Variants in SV2C observed in about 807,000 individuals in gnomAD.
SV2C encodes synaptic vesicle glycoprotein 2C.
Under a neutral mutation model 79.7 loss-of-function variants are expected in SV2C, and 49 were observed. The ratio of observed to expected loss-of-function variants is 0.61; its 90% CI spans 0.49 to 0.78. SV2C has a LOEUF of 0.78. Ranked by LOEUF, SV2C falls within the 30% of genes least tolerant of loss-of-function variation. The pLI is 0.00. For synonymous variants in SV2C, 334 were observed against 333.2 expected (o/e 1.00, Z -0.03); for missense variants, 833 against 912.9 (o/e 0.91, Z 1.13).
At chr5:76,280,955 A>G (rs1279817177) in intron 4 of SV2C, 2 of 535,592 alleles carry the variant, frequency 3.7e-6, no homozygotes, top group Non-Finnish European at 7.6e-6. Flanking sequence ...TGCCAGGATG[A>G]CAGGATCCTG....
intron 4 of SV2C, among the ~76,000 whole-genome samples, chr5:76,225,057 C>T (rs1299312875): frequency 2.6e-5 from 4 of 152,160 alleles, no homozygotes; most frequent in African/African-American, 9.7e-5. Context: ...CCATTCAGCA[C>T]CACTGGGCCA....
chr5:76,130,697 G>C (rs1748858388), intron 1 of SV2C, among the ~76,000 whole-genome samples: 1 of 152,116 alleles, frequency 6.6e-6, no homozygotes, highest in Non-Finnish European at 1.5e-5. Flanking sequence ...AGGAACCAAG[G>C]CATGAGGGGA....
intron 2 of SV2C, among the ~76,000 whole-genome samples, chr5:76,142,903 C>CTT (rs372569739): frequency 1.5e-5 from 2 of 134,666 alleles, no homozygotes; most frequent in South Asian, 4.9e-4. Flanking sequence ...TTTTCTTTTC[C>CTT]TTTTTTTTTG....
chr5:76,334,768 C>T (rs1263490027), downstream of SV2C, among the ~76,000 whole-genome samples: 3 of 152,198 alleles, frequency 2.0e-5, no homozygotes, highest in Non-Finnish European at 4.4e-5. Flanking sequence ...TCTGCCAACT[C>T]CTAAACCAAT....
the SV2C span, among the ~76,000 whole-genome samples, chr5:75,871,834 T>TACACACACACACACAC: frequency 3.4e-5 from 4 of 118,856 alleles, no homozygotes; most frequent in African/African-American, 1.3e-4. Flanking sequence ...TATATATATA[T>TACACACACACACACAC]ACACACACAC....
chr5:76,286,770 G>A (rs887391267), intron 6 of SV2C: 1 of 152,148 alleles, frequency 6.6e-6, no homozygotes, highest in Non-Finnish European at 1.5e-5. Flanking sequence ...AAGCAAACAC[G>A]TCCTTCTTCA....
intron 3 of SV2C, among the ~76,000 whole-genome samples, chr5:76,199,772 T>C (rs771642769): frequency 9.2e-5 from 14 of 152,240 alleles, no homozygotes; most frequent in Non-Finnish European, 1.8e-4. Flanking sequence ...TCTTACTTGA[T>C]CTGTATAAGT....
chr5:76,046,672 C>G, the SV2C span, among the ~76,000 whole-genome samples: 529 of 152,184 alleles, frequency 3.5e-3, 8 homozygotes, highest in African/African-American at 0.012. Context: ...AGGAAGAGAG[C>G]AGCCAAGTCA....
intron 4 of SV2C, among the ~76,000 whole-genome samples, chr5:76,273,166 T>C (rs1057482405): frequency 2.5e-5 from 3 of 120,926 alleles, no homozygotes; most frequent in Non-Finnish European, 5.3e-5. Flanking sequence ...TATATATATA[T>C]ATATACACAC....
chr5:76,118,504 A>G (rs146229985), intron 1 of SV2C, among the ~76,000 whole-genome samples: 159 of 152,354 alleles, frequency 1.0e-3, no homozygotes, highest in African/African-American at 3.6e-3. Context: ...AAGAAAAGAC[A>G]TGTTCAACTT....
rs1480899204 is a variant in SV2C at position 76,291,524 on chromosome 5, G to C, written c.1248+193G>C. Among the ~76,000 whole-genome samples the C allele has an allele frequency of 2.0e-5, 3 of 152,192 alleles. No individual in the cohort carries two copies. The East Asian group carries it at 5.8e-4, about 29-fold the overall frequency. On this transcript the variant is annotated intron_variant, in intron 7 of 12. Transcript: ENST00000502798. ...AGCCAATACATTCCATCTGTGGGAA[G>C]GGAAAGTGTTAGGCCAGGAGTCTTG...
the SV2C span, among the ~76,000 whole-genome samples, chr5:75,929,139 A>G: frequency 4.6e-5 from 7 of 151,736 alleles, no homozygotes; most frequent in Admixed American, 1.3e-4. Context: ...GCCCAACTAG[A>G]TCCCACTCAC....
the SV2C span, among the ~76,000 whole-genome samples, chr5:75,849,425 A>G: frequency 1.3e-5 from 2 of 152,248 alleles, no homozygotes; most frequent in Admixed American, 1.3e-4. Context: ...CCTGTGCTAT[A>G]AAGCAATACC....
At chr5:75,937,129 A>C in the SV2C span, among the ~76,000 whole-genome samples, 1 of 152,240 alleles carries the variant, frequency 6.6e-6, no homozygotes, top group African/African-American at 2.4e-5. Flanking sequence ...TTGAGAATTA[A>C]AGTGTTTAAT....
intron 12 of SV2C, among the ~76,000 whole-genome samples, chr5:76,304,572 AAAG>A (rs1425416804): frequency 1.3e-5 from 2 of 152,212 alleles, no homozygotes; most frequent in East Asian, 1.9e-4. Context: ...AGTAATTTAT[AAAG>A]AAGAGAAATT....
chr5:75,894,249 A>G, the SV2C span, among the ~76,000 whole-genome samples: 1 of 152,068 alleles, frequency 6.6e-6, no homozygotes. Context: ...CTTTATAAAA[A>G]CAATTAGAAC....
At chr5:75,873,649 T>A in the SV2C span, among the ~76,000 whole-genome samples, 1 of 152,136 alleles carries the variant, frequency 6.6e-6, no homozygotes, top group African/African-American at 2.4e-5. Context: ...ACTTAAAATT[T>A]AAAAAAATTA....
At chr5:76,282,614 G>T (rs920693688) in intron 4 of SV2C, among the ~76,000 whole-genome samples, 1 of 152,192 alleles carries the variant, frequency 6.6e-6, no homozygotes, top group South Asian at 2.1e-4. Context: ...TGCCTCAAGT[G>T]GCTCACATAA....
intron 4 of SV2C, among the ~76,000 whole-genome samples, chr5:76,245,110 A>G (rs1283528879): frequency 6.6e-6 from 1 of 152,182 alleles, no homozygotes; most frequent in Non-Finnish European, 1.5e-5. Context: ...CTGTATGTCT[A>G]CCATCTTCAG....
Sources: gnomAD v4.1 joint callset for allele counts (sites outside exome capture counted in the v4.1 genomes callset) on GRCh38, gnomAD v4.1.1 for gene constraint, MANE v1.5 for transcripts, NCBI Gene and HGNC (gene_info 2026-07-23, HGNC 2026-07-21) for gene names.